COL4A3: variants seen among roughly 807,000 people sequenced by gnomAD.
The protein encoded by COL4A3 is collagen alpha-3(IV) chain.
In COL4A3, 135 loss-of-function variants were observed where a neutral mutation model predicts 217.4. That is an observed-to-expected ratio of 0.62 (90% CI 0.54 to 0.72). COL4A3 has a LOEUF of 0.72. COL4A3 is among the 30% of genes least tolerant of loss of function. The pLI, the probability that COL4A3 is intolerant of heterozygous loss-of-function variation, is 0.00. For synonymous variants in COL4A3, 690 were observed against 736.3 expected (o/e 0.94, Z 1.02); for missense variants, 1,868 against 2,119.9 (o/e 0.88, Z 2.33).
At chr2:227,199,150 G>C (rs1273657826) in intron 1 of COL4A3, among the ~76,000 whole-genome samples, 2 of 152,310 alleles carry the variant, frequency 1.3e-5, no homozygotes, top group Non-Finnish European at 2.9e-5. Context: ...TTACCAGTAA[G>C]TCAAGGTTGG....
intron 29 of COL4A3, among the ~76,000 whole-genome samples, chr2:227,280,091 T>C (rs1048645886): frequency 2.6e-5 from 4 of 152,258 alleles, no homozygotes; most frequent in African/African-American, 9.6e-5. Context: ...AGAATGCAGA[T>C]TTCATCGTGA....
chr2:227,298,696 C>T lies in COL4A3; in HGVS notation c.3766C>T (p.Pro1256Ser), dbSNP rs2073142576. The T allele has an allele frequency of 1.2e-6, 2 of 1,614,002 alleles. No homozygotes were observed. The highest frequency in any genetic ancestry group is 1.3e-5 in the African/African-American group (1 of 75,044). ...CATGAATTCAGGTGCGCCTGGTCCC[C>T]CTGGACCTCCAGGGAGTCATGTAAT... is the stretch of plus-strand genomic sequence containing the variant. ...SRGSPGAPGP[P>S]GPPGSHVIGI... Residue 1256 changes from proline to serine, a missense_variant, in exon 43 of 52, where the codon CCT becomes TCT. Transcript: ENST00000396578.
At chr2:227,248,597 G>C in intron 9 of COL4A3, 77 bp downstream of exon 9, 1 of 959,830 alleles carries the variant, frequency 1.0e-6, no homozygotes, top group Non-Finnish European at 1.7e-6. Flanking sequence ...TCTTTACTTC[G>C]TCTCTCTTTT....
chr2:227,287,940 A>G (rs1162956834), intron 34 of COL4A3, among the ~76,000 whole-genome samples: 1 of 152,264 alleles, frequency 6.6e-6, no homozygotes, highest in Non-Finnish European at 1.5e-5. Flanking sequence ...TGCTCCATCC[A>G]TATGTGAATG....
intron 1 of COL4A3, among the ~76,000 whole-genome samples, chr2:227,214,258 T>C (rs2067441575): frequency 6.6e-6 from 1 of 152,208 alleles, no homozygotes; most frequent in Non-Finnish European, 1.5e-5. Context: ...AGGTTATTTA[T>C]ATATATTATA....
chr2:227,238,236 C>T (rs548966690), intron 2 of COL4A3: 1 of 410,326 alleles, frequency 2.4e-6, no homozygotes, highest in South Asian at 2.8e-5. Context: ...TATACAATGG[C>T]AATTAAATTA....
chr2:227,302,669 T>C (rs1320004056), intron 43 of COL4A3, among the ~76,000 whole-genome samples: 8 of 52,598 alleles, frequency 1.5e-4, no homozygotes, highest in African/African-American at 7.8e-4. Flanking sequence ...AAAACGAGAC[T>C]CTTTCTCCAA....
chr2:227,176,830 C>A (rs76542102), intron 1 of COL4A3, among the ~76,000 whole-genome samples: 9,063 of 152,180 alleles, frequency 0.06, 324 homozygotes, highest in Admixed American at 0.089. Context: ...CCCAAGGCAA[C>A]AAGGCCAGAT....
intron 30 of COL4A3, 107 bp from the exon 31 acceptor site, chr2:227,280,786 T>C: frequency 9.8e-7 from 1 of 1,025,524 alleles, no homozygotes; most frequent in Non-Finnish European, 1.5e-6. Context: ...GCAGTAAATA[T>C]AGATCTGATT....
intron 1 of COL4A3, among the ~76,000 whole-genome samples, chr2:227,236,663 A>AATTTT (rs774388999): frequency 6.9e-6 from 1 of 144,658 alleles, no homozygotes; most frequent in Non-Finnish European, 1.5e-5. Context: ...GTCAAAACAC[A>AATTTT]TTTTTTCTTT....
intron 1 of COL4A3, among the ~76,000 whole-genome samples, chr2:227,181,291 G>T (rs2065860256): frequency 6.6e-6 from 1 of 152,200 alleles, no homozygotes; most frequent in African/African-American, 2.4e-5. Flanking sequence ...TTAATGCGTA[G>T]TTGGCTGCAT....
intron 32 of COL4A3, 125 bp from the exon 33 acceptor site, chr2:227,283,642 G>A (rs2072126511): frequency 2.5e-6 from 2 of 800,970 alleles, no homozygotes; most frequent in Non-Finnish European, 2.2e-6. Flanking sequence ...ATTGTACTAT[G>A]TACAGAGGCC....
intron 1 of COL4A3, among the ~76,000 whole-genome samples, chr2:227,223,610 T>C (rs369044720): frequency 4.3e-4 from 66 of 152,160 alleles, no homozygotes; most frequent in Middle Eastern, 6.8e-3. Context: ...CGGGCATGAT[T>C]GTAATCCCAG....
At chr2:227,300,100 T>A (rs1403692314) in intron 43 of COL4A3, among the ~76,000 whole-genome samples, 3 of 152,206 alleles carry the variant, frequency 2.0e-5, no homozygotes, top group Non-Finnish European at 4.4e-5. Context: ...CTATACTGAA[T>A]ACACCCTAGT....
chr2:227,186,242 C>T (rs1047714226), intron 1 of COL4A3, among the ~76,000 whole-genome samples: 4 of 152,092 alleles, frequency 2.6e-5, no homozygotes, highest in African/African-American at 7.2e-5. Context: ...AATAAGATAA[C>T]GCGCATTACA....
chr2:227,258,261 T>C (rs1196707046), intron 18 of COL4A3, among the ~76,000 whole-genome samples: 1 of 152,182 alleles, frequency 6.6e-6, no homozygotes, highest in Non-Finnish European at 1.5e-5. Flanking sequence ...CTGTCGTGAA[T>C]GGTCATGCAG....
chr2:227,235,733 A>C (rs1007090822), intron 1 of COL4A3, among the ~76,000 whole-genome samples: 32 of 150,334 alleles, frequency 2.1e-4, no homozygotes, highest in African/African-American at 7.6e-4. Flanking sequence ...AATGGTCTCC[A>C]ATTCCATCCA....
intron 1 of COL4A3, among the ~76,000 whole-genome samples, chr2:227,197,660 G>A (rs907349365): frequency 2.0e-5 from 3 of 152,114 alleles, no homozygotes; most frequent in Non-Finnish European, 4.4e-5. Context: ...AAGGTTACCA[G>A]AAAGCATTTG....
At chr2:227,213,173 A>G (rs1013373195) in intron 1 of COL4A3, among the ~76,000 whole-genome samples, 1 of 152,240 alleles carries the variant, frequency 6.6e-6, no homozygotes, top group Non-Finnish European at 1.5e-5. Context: ...GGATGCCTTA[A>G]ATAGCTGAAG....
Sources: gnomAD v4.1 joint callset for allele counts (sites outside exome capture counted in the v4.1 genomes callset) on GRCh38, gnomAD v4.1.1 for gene constraint, MANE v1.5 for transcripts, NCBI Gene and HGNC (gene_info 2026-07-23, HGNC 2026-07-21) for gene names.